JARID2: variants seen among roughly 807,000 people sequenced by gnomAD.
JARID2 encodes the protein protein Jumonji.
A neutral mutation model predicts 125.6 loss-of-function variants in JARID2; 21 were observed. The observed-to-expected ratio is 0.17, with a 90% CI of 0.12 to 0.24. The LOEUF (loss-of-function observed/expected upper bound fraction) is 0.24. Ranked by LOEUF, JARID2 falls within the 10% of genes least tolerant of loss-of-function variation. JARID2 has a pLI of 1.00. For missense variants in JARID2, 1,303 were observed against 1,639.6 expected, an observed-to-expected ratio of 0.79 and a Z score of 3.55; for synonymous variants, 736 against 661.6, an observed-to-expected ratio of 1.11 and a Z score of -1.73.
intron 1 of JARID2, among the ~76,000 whole-genome samples, chr6:15,302,277 G>T (rs758207054): frequency 4.6e-5 from 7 of 152,138 alleles, no homozygotes; most frequent in African/African-American, 7.2e-5. Flanking sequence ...TTAGTTGGGC[G>T]TGGTGGCGTG....
rs1047541057 is a variant in JARID2, at chr6:15,520,803, G to C, written c.*552G>C. 1 of 455,848 alleles carries C rather than the reference G, an allele frequency of 2.2e-6. No individual in the cohort carries two copies. Among genetic ancestry groups the C allele is most frequent in the African/African-American group, 2.0e-5 (1 of 50,054 alleles). 28.2% of individuals were successfully genotyped at this position (455,848 alleles called of 1,614,324 possible). On this transcript the variant is annotated 3_prime_UTR_variant, in exon 18 of 18. Coordinates refer to ENST00000341776, the MANE Select transcript of JARID2 (RefSeq NM_004973.4). ...CGGGGCACCCCCGTTTTGTTTCTCTGGGCGGTTGTGGCAGCTGAAGGCGGA... is the reference window on the plus strand; with the variant it reads ...CGGGGCACCCCCGTTTTGTTTCTCTCGGCGGTTGTGGCAGCTGAAGGCGGA...
intron 5 of JARID2, among the ~76,000 whole-genome samples, chr6:15,480,227 G>C (rs1332746193): frequency 6.6e-6 from 1 of 152,172 alleles, no homozygotes; most frequent in African/African-American, 2.4e-5. Flanking sequence ...TTGGGGGTTA[G>C]TTCGGTCCCA....
chr6:15,453,392 A>G (rs1334290822), intron 4 of JARID2, among the ~76,000 whole-genome samples: 1 of 152,162 alleles, frequency 6.6e-6, no homozygotes, highest in Non-Finnish European at 1.5e-5. Flanking sequence ...TCATGATTAC[A>G]TTCTGGTTTG....
intron 12 of JARID2, 93 bp downstream of exon 12, chr6:15,508,547 T>A (rs1771117609): frequency 2.7e-6 from 2 of 737,806 alleles, no homozygotes; most frequent in East Asian, 2.5e-5. Context: ...GTCCAGGTGG[T>A]TCCACGTGCT....
chr6:15,496,365 AAGT>A lies in JARID2; in HGVS notation c.1143_1145del (p.Ser382del), dbSNP rs754990095. ...ACCACACAATCTCAGGGAAAACTGA[AAGT>A]AGCAATGCAAAAACCCGCAAACAGG... On this transcript the variant is annotated inframe_deletion, in exon 7 of 18. Coordinates refer to ENST00000341776, the MANE Select transcript of JARID2 (RefSeq NM_004973.4). 6.2e-7 allele frequency: 1 copy of A among 1,614,190 alleles called. No homozygotes were observed. The highest frequency in any genetic ancestry group is 8.5e-7 in the Non-Finnish European group (1 of 1,180,034).
intron 2 of JARID2, among the ~76,000 whole-genome samples, chr6:15,381,033 TTTATTA>T: frequency 6.6e-6 from 1 of 151,926 alleles, no homozygotes; most frequent in South Asian, 2.1e-4. Flanking sequence ...TTTATTATTA[TTTATTA>T]TTATTATTTT....
chr6:15,303,849 C>G (rs552206916), intron 1 of JARID2, among the ~76,000 whole-genome samples: 9 of 152,250 alleles, frequency 5.9e-5, no homozygotes, highest in Admixed American at 3.9e-4. Flanking sequence ...CTTTTTAGTT[C>G]ACCTGGGCGA....
intron 2 of JARID2, among the ~76,000 whole-genome samples, chr6:15,390,574 ACT>A (rs1764961668): frequency 2.0e-5 from 3 of 151,450 alleles, no homozygotes; most frequent in African/African-American, 4.9e-5. Context: ...TCTGTGAGAA[ACT>A]CTGTGCAAGG....
intron 16 of JARID2, among the ~76,000 whole-genome samples, chr6:15,516,051 T>C (rs1359226680): frequency 1.3e-5 from 2 of 151,960 alleles, no homozygotes; most frequent in Non-Finnish European, 1.5e-5. Context: ...GTTTGACTTA[T>C]ACGTTGACAG....
chr6:15,391,718 G>A (rs1765016622), intron 2 of JARID2, among the ~76,000 whole-genome samples: 1 of 152,180 alleles, frequency 6.6e-6, no homozygotes, highest in Admixed American at 6.5e-5. Context: ...ACATTGGATC[G>A]TAATTCTTGT....
chr6:15,370,059 C>T (rs755038427), intron 1 of JARID2, among the ~76,000 whole-genome samples: 4 of 151,812 alleles, frequency 2.6e-5, no homozygotes, highest in African/African-American at 7.3e-5. Flanking sequence ...ACTGGCAGGG[C>T]GAGTAGGGGT....
intron 4 of JARID2, among the ~76,000 whole-genome samples, chr6:15,452,955 C>T (rs1447052273): frequency 1.3e-5 from 2 of 152,158 alleles, no homozygotes; most frequent in Non-Finnish European, 2.9e-5. Context: ...TGCTATTGGA[C>T]ATCTGTGGGA....
intron 1 of JARID2, among the ~76,000 whole-genome samples, chr6:15,364,200 C>A (rs1469590747): frequency 8.5e-5 from 13 of 152,116 alleles, no homozygotes; most frequent in Non-Finnish European, 1.5e-5. Flanking sequence ...CAGCAGTGTC[C>A]TGGGTCCTGG....
At chr6:15,295,971 C>G (rs946953668) in intron 1 of JARID2, among the ~76,000 whole-genome samples, 2 of 152,300 alleles carry the variant, frequency 1.3e-5, no homozygotes, top group South Asian at 2.1e-4. Context: ...GGGTTTTATA[C>G]TTAAAAACCA....
chr6:15,260,602 A>G (rs1394791143), intron 1 of JARID2, among the ~76,000 whole-genome samples: 1 of 152,204 alleles, frequency 6.6e-6, no homozygotes, highest in Non-Finnish European at 1.5e-5. Flanking sequence ...GTTCTGCAGA[A>G]ACTCCTGGTA....
At chr6:15,371,911 C>T (rs999612618) in intron 1 of JARID2, among the ~76,000 whole-genome samples, 5 of 152,118 alleles carry the variant, frequency 3.3e-5, no homozygotes, top group Admixed American at 6.5e-5. Flanking sequence ...GCCCAGCAGT[C>T]GGAAATCTCA....
chr6:15,394,427 C>G (rs1001102482), intron 2 of JARID2, among the ~76,000 whole-genome samples: 1 of 152,080 alleles, frequency 6.6e-6, no homozygotes, highest in South Asian at 2.1e-4. Context: ...GGCGAAACAC[C>G]ATCTTCACAA....
intron 1 of JARID2, among the ~76,000 whole-genome samples, chr6:15,289,039 A>C (rs773259490): frequency 6.6e-6 from 1 of 152,170 alleles, no homozygotes; most frequent in Non-Finnish European, 1.5e-5. Flanking sequence ...AAGTGTCACC[A>C]CTGGGGACAG....
chr6:15,497,910 TC>T (rs1770543509), intron 7 of JARID2, among the ~76,000 whole-genome samples: 1 of 152,178 alleles, frequency 6.6e-6, no homozygotes, highest in African/African-American at 2.4e-5. Flanking sequence ...ATGGCTGTTT[TC>T]TCCCTGTGTC....
Sources: allele counts gnomAD v4.1 joint callset (sites outside exome capture counted in the v4.1 genomes callset), GRCh38; gene constraint gnomAD v4.1.1; transcripts MANE v1.5; gene names NCBI Gene and HGNC (gene_info 2026-07-23, HGNC 2026-07-21).